TNC: variants seen among roughly 807,000 people sequenced by gnomAD.
TNC encodes the protein tenascin.
In TNC, 109 loss-of-function variants were observed where a neutral mutation model predicts 202.4. That is an observed-to-expected ratio of 0.54 (90% confidence interval 0.46 to 0.63). The LOEUF is 0.63. Ranked by LOEUF, TNC falls within the 30% of genes least tolerant of loss-of-function variation. The pLI is 0.00. For synonymous variants in TNC, 1,007 were observed against 1,089.7 expected (o/e 0.92, Z 1.50); for missense variants, 2,756 against 2,833.3 (o/e 0.97, Z 0.62).
chr9:115,025,815 T>C (rs1351463057), intron 26 of TNC, among the ~76,000 whole-genome samples: 1 of 152,222 alleles, frequency 6.6e-6, no homozygotes, highest in Non-Finnish European at 1.5e-5. Context: ...TCTCCTCTTA[T>C]GTGGAGCCAG....
chr9:115,063,339 C>G, intron 12 of TNC, 150 bp from the exon 13 acceptor site: 18 of 827,242 alleles, frequency 2.2e-5, no homozygotes, highest in South Asian at 9.1e-5. Flanking sequence ...TGAGCACACT[C>G]AAACTGTTGG....
chr9:115,033,656 T>C (rs1277359309), intron 22 of TNC, among the ~76,000 whole-genome samples: 1 of 152,206 alleles, frequency 6.6e-6, no homozygotes, highest in Non-Finnish European at 1.5e-5. Context: ...TGATAGTTAT[T>C]AGCAATGTGT....
intron 1 of TNC, among the ~76,000 whole-genome samples, chr9:115,115,457 G>A (rs1443061700): frequency 6.6e-6 from 1 of 152,170 alleles, no homozygotes; most frequent in Non-Finnish European, 1.5e-5. Flanking sequence ...CAGTCTCCCT[G>A]TTCTTGAAGC....
intron 15 of TNC, chr9:115,052,599 T>C: frequency 3.4e-6 from 2 of 589,990 alleles, no homozygotes; most frequent in Non-Finnish European, 3.0e-6. Context: ...TCTCCATAAA[T>C]ATATACAATT....
rs1195842386 is a variant in TNC at position 115,019,736 on chromosome 9, C to A, written c.*1421G>T. ...CATTCTAAGGGCCTCAAATGGATAA[C>A]ATAATTTATTCTTCACAAAAATGTT... is the stretch of plus-strand genomic sequence containing the variant. On this transcript the variant is annotated 3_prime_UTR_variant, in exon 28 of 28. Coordinates refer to ENST00000350763, the MANE Select transcript of TNC (RefSeq NM_002160.4). The A allele has an allele frequency of 6.6e-6, 1 of 152,146 alleles. No individual in the cohort carries two copies. The highest frequency in any genetic ancestry group is 1.9e-4 in the East Asian group (1 of 5,194). 9.4% of individuals were successfully genotyped at this position (152,146 alleles called of 1,614,324 possible).
chr9:115,035,770 T>C, intron 21 of TNC: 1 of 296,296 alleles, frequency 3.4e-6, no homozygotes, highest in Non-Finnish European at 6.3e-6. Context: ...AAAATATGCC[T>C]CTTCAAAAAT....
rs1415238602 is a variant in TNC, at chr9:115,086,854, G to A, written c.877C>T (p.Arg293Ter). 3 of 1,614,050 alleles carry A rather than the reference G, an allele frequency of 1.9e-6. No homozygotes were observed. Among genetic ancestry groups the A allele is most frequent in the African/African-American group, 1.3e-5 (1 of 74,926 alleles). The change falls in exon 3 of 28, where the codon CGA becomes TGA. Residue 293 changes from arginine to a stop codon, truncating the protein, a stop_gained. Transcript: ENST00000350763. LOFTEE classifies it high-confidence loss of function. ...CACACGCACTCATTCTCCACGCATC[G>A]TCCACGGTTGTAGCAATTGTTGAGA... is the stretch of plus-strand genomic sequence containing the variant. Reference protein sequence around the residue: ...LCLNNCYNRGRCVENECVCDE... With the variant: ...LCLNNCYNRG
chr9:115,114,774 T>C (rs763914467), intron 1 of TNC, among the ~76,000 whole-genome samples: 3 of 152,216 alleles, frequency 2.0e-5, no homozygotes, highest in Non-Finnish European at 4.4e-5. Context: ...AAGCCAGCTC[T>C]GCCCCTCAAT....
Position 115,084,451 on chromosome 9 carries a change from A to AG in TNC, c.1888_1889insC (p.Val630AlafsTer17). Reference sequence around the variant, plus strand: ...CGTCTCTTCCGTCACTTCTGTCACAACGAGGTCTTTGGGAGGAGACACTGG... The same window carrying AG: ...CGTCTCTTCCGTCACTTCTGTCACAAGCGAGGTCTTTGGGAGGAGACACTGG... On this transcript the variant is annotated frameshift_variant, in exon 4 of 28. Transcript: ENST00000350763. LOFTEE classifies it high-confidence loss of function. 6.2e-7 allele frequency: 1 copy of AG among 1,614,148 alleles called. No individual in the cohort carries two copies. The highest frequency in any genetic ancestry group is 8.5e-7 in the Non-Finnish European group (1 of 1,180,018).
intron 15 of TNC, among the ~76,000 whole-genome samples, chr9:115,048,825 C>T (rs545334685): frequency 3.3e-5 from 5 of 152,118 alleles, no homozygotes; most frequent in South Asian, 2.1e-4. Context: ...AGAGATAGAG[C>T]GAAGATTTTA....
chr9:115,074,181 T>C (rs895558586), intron 9 of TNC, among the ~76,000 whole-genome samples: 5 of 152,102 alleles, frequency 3.3e-5, no homozygotes, highest in African/African-American at 1.2e-4. Context: ...TTTAGATGAA[T>C]CTCGAGAGAA....
intron 22 of TNC, 126 bp downstream of exon 22, chr9:115,035,078 T>C: frequency 2.3e-6 from 2 of 871,524 alleles, no homozygotes; most frequent in African/African-American, 4.3e-5. Flanking sequence ...CAGTCTCTAC[T>C]AATTTTTTTT....
chr9:115,084,280 T>G lies in TNC; in HGVS notation c.2060A>C (p.Glu687Ala). 1 of 1,614,134 alleles carries G rather than the reference T, an allele frequency of 6.2e-7. No individual in the cohort carries two copies. The highest frequency in any genetic ancestry group is 8.5e-7 in the Non-Finnish European group (1 of 1,180,008). The change falls in exon 4 of 28, where the codon GAG becomes GCG. Residue 687 changes from glutamate (E) to alanine (A), a missense_variant. Coordinates refer to ENST00000350763, the MANE Select transcript of TNC (RefSeq NM_002160.4). ...GATGGCAAATACACGGATAAAGTACTCCACACCAGGCTCCAGCTCCTGGAT... is the reference window on the plus strand; with the variant it reads ...GATGGCAAATACACGGATAAAGTACGCCACACCAGGCTCCAGCTCCTGGAT... ...TIIQELEPGV[E>A]YFIRVFAILE...
intron 1 of TNC, among the ~76,000 whole-genome samples, chr9:115,116,380 C>T (rs1345990718): frequency 6.6e-6 from 1 of 152,134 alleles, no homozygotes; most frequent in Non-Finnish European, 1.5e-5. Flanking sequence ...ATGCAAGGGC[C>T]AAAGCACGCT....
intron 27 of TNC, 74 bp downstream of exon 27, chr9:115,023,899 G>A: frequency 6.6e-7 from 1 of 1,525,034 alleles, no homozygotes; most frequent in South Asian, 1.2e-5. Flanking sequence ...AGGATAGGGA[G>A]TTAAATTGTA....
intron 25 of TNC, among the ~76,000 whole-genome samples, chr9:115,027,628 G>A (rs578193912): frequency 6.6e-6 from 1 of 152,198 alleles, no homozygotes; most frequent in Non-Finnish European, 1.5e-5. Flanking sequence ...TTTGTAAAGT[G>A]CCTTACAAAT....
chr9:115,038,132 G>T, intron 20 of TNC, 129 bp downstream of exon 20: 2 of 1,261,752 alleles, frequency 1.6e-6, no homozygotes, highest in East Asian at 2.5e-5. Flanking sequence ...GAACATTACT[G>T]GCCTTTTCAA....
intron 1 of TNC, among the ~76,000 whole-genome samples, chr9:115,109,742 T>G (rs1836895095): frequency 6.6e-6 from 1 of 152,356 alleles, no homozygotes; most frequent in Middle Eastern, 3.4e-3. Context: ...TTGAGGTCTG[T>G]GTCCTGAGAC....
At chr9:115,096,818 C>T (rs138713383) in intron 1 of TNC, among the ~76,000 whole-genome samples, 24 of 152,180 alleles carry the variant, frequency 1.6e-4, no homozygotes, top group Non-Finnish European at 2.6e-4. Context: ...ATCTTTTCCC[C>T]CAGCCTTGTC....
Sources: allele counts gnomAD v4.1 joint callset (sites outside exome capture counted in the v4.1 genomes callset), GRCh38; gene constraint gnomAD v4.1.1; transcripts MANE v1.5; gene names NCBI Gene and HGNC (gene_info 2026-07-23, HGNC 2026-07-21).